The following TMEM30A variants were observed in gnomAD, a reference collection of about 807,000 sequenced individuals.
TMEM30A encodes the protein cell division cycle 50 P4-ATPase accessory subunit A.
In TMEM30A, 24 loss-of-function variants were observed where a neutral mutation model predicts 38.2. The ratio of observed to expected loss-of-function variants is 0.63; its 90% CI spans 0.46 to 0.88. The LOEUF (loss-of-function observed/expected upper bound fraction) is 0.88, where lower values mean the gene tolerates loss of function less well. Among genes scored for constraint, TMEM30A ranks in the 40% least tolerant of loss-of-function variants. TMEM30A has a pLI of 0.00. For synonymous variants in TMEM30A, 145 were observed against 161.6 expected (o/e 0.90, Z 0.78); for missense variants, 370 against 458.6 (o/e 0.81, Z 1.77).
chr6:75,284,344 G>C (rs1772418992), intron 1 of TMEM30A, 58 bp downstream of exon 1: 1 of 1,520,968 alleles, frequency 6.6e-7, no homozygotes, highest in Admixed American at 1.7e-5. Flanking sequence ...AGTGGAGTGG[G>C]CGCGTAGGAC....
In TMEM30A at chr6:75,284,580, C is replaced by G. The variant is rs149782863; in HGVS notation, c.59G>C (p.Gly20Ala). Residue 20 changes from glycine (G) to alanine (A), a missense_variant, in exon 1 of 7, where the codon GGG becomes GCG. Physicochemically the swap from Gly to Ala is moderately conservative, Grantham distance 60. Transcript: ENST00000230461. ...CGGTCTCCGAGTCTTCGCGGTGCCCCCCGGAGCACACGGGGGCCCACCGTC... is the reference window on the plus strand; with the variant it reads ...CGGTCTCCGAGTCTTCGCGGTGCCCGCCGGAGCACACGGGGGCCCACCGTC... ...EVDGGPPCAPGGTAKTRRPDN... is the reference protein window; with the variant it reads ...EVDGGPPCAPAGTAKTRRPDN... The G allele has an allele frequency of 1.6e-5, 26 of 1,613,564 alleles. No individual in the cohort carries two copies. The highest frequency in any genetic ancestry group is 1.1e-4 in the East Asian group (5 of 44,864).
At chr6:75,274,352 C>T (rs1772224692) in intron 1 of TMEM30A, among the ~76,000 whole-genome samples, 1 of 152,124 alleles carries the variant, frequency 6.6e-6, no homozygotes, top group Admixed American at 6.5e-5. Context: ...GGGGTTTGAA[C>T]AGTATCCTGA....
chr6:75,265,473 C>A, intron 2 of TMEM30A, 135 bp from the exon 3 acceptor site: 1 of 440,640 alleles, frequency 2.3e-6, no homozygotes, highest in South Asian at 3.0e-5. Flanking sequence ...GTAAATTCCA[C>A]CAGTACTTAG....
chr6:75,270,949 T>A (rs1772157338), intron 1 of TMEM30A, among the ~76,000 whole-genome samples: 1 of 152,184 alleles, frequency 6.6e-6, no homozygotes. Flanking sequence ...AGGCAAAGCC[T>A]ATGTAATCTT....
intron 1 of TMEM30A, among the ~76,000 whole-genome samples, chr6:75,282,837 T>C (rs1772380988): frequency 6.6e-6 from 1 of 152,186 alleles, no homozygotes; most frequent in African/African-American, 2.4e-5. Flanking sequence ...TCAGAGAGAT[T>C]ACGGAAATTT....
At chr6:75,258,167 C>T (rs1582273738) in intron 6 of TMEM30A, among the ~76,000 whole-genome samples, 1 of 152,128 alleles carries the variant, frequency 6.6e-6, no homozygotes, top group East Asian at 1.9e-4. Flanking sequence ...GCTCGATATT[C>T]CTGTATTCTG....
chr6:75,275,353 C>G (rs1390480087), intron 1 of TMEM30A, among the ~76,000 whole-genome samples: 2 of 152,190 alleles, frequency 1.3e-5, no homozygotes, highest in Non-Finnish European at 2.9e-5. Flanking sequence ...TAACTCTAGT[C>G]TCAACCTTCC....
intron 1 of TMEM30A, among the ~76,000 whole-genome samples, chr6:75,283,307 ATGTG>A (rs10545744): frequency 0.073 from 10,763 of 147,976 alleles, 453 homozygotes; most frequent in Middle Eastern, 0.092. Flanking sequence ...ATTTATTAAA[ATGTG>A]TGTGTGTGTG....
intron 1 of TMEM30A, among the ~76,000 whole-genome samples, chr6:75,280,796 A>C (rs997089526): frequency 2.6e-5 from 4 of 152,160 alleles, no homozygotes; most frequent in Admixed American, 1.3e-4. Flanking sequence ...AAAAGTGCCT[A>C]ATCTTTAACG....
At chr6:75,265,041 G>A (rs1582278205) in intron 3 of TMEM30A, among the ~76,000 whole-genome samples, 190 bp downstream of exon 3, 2 of 151,874 alleles carry the variant, frequency 1.3e-5, no homozygotes, top group African/African-American at 4.8e-5. Flanking sequence ...AGGTTGCAGT[G>A]AGCTGAGACT....
chr6:75,265,072 G>C (rs1435075223), intron 3 of TMEM30A, among the ~76,000 whole-genome samples, 159 bp downstream of exon 3: 3 of 151,922 alleles, frequency 2.0e-5, no homozygotes, highest in African/African-American at 7.3e-5. Context: ...ACTCCAGCCT[G>C]GGCGACAAAG....
rs547222251 is a variant in TMEM30A at position 75,263,204 on chromosome 6, A to G, written c.453+2027T>C. Among the ~76,000 whole-genome samples, 5 of 152,336 alleles carry G rather than the reference A, an allele frequency of 3.3e-5. No homozygotes were observed. In the South Asian group the frequency reaches 6.2e-4, roughly 19 times the overall value. ...GAGTTTTAAGCAAAGAGAACACCAC[A>G]TGCCACTAAACAAGAACTTATTTCT... On this transcript the variant is annotated intron_variant, in intron 3 of 6. Coordinates refer to ENST00000230461, the MANE Select transcript of TMEM30A (RefSeq NM_018247.4).
chr6:75,279,538 T>C (rs914392730), intron 1 of TMEM30A, among the ~76,000 whole-genome samples: 11 of 152,168 alleles, frequency 7.2e-5, no homozygotes, highest in Non-Finnish European at 1.3e-4. Context: ...GTCAAGAGCA[T>C]ACAAGGCACA....
At chr6:75,277,477 G>A (rs540369089) in intron 1 of TMEM30A, among the ~76,000 whole-genome samples, 8 of 152,254 alleles carry the variant, frequency 5.3e-5, no homozygotes, top group Admixed American at 3.9e-4. Flanking sequence ...AGTGGCTTGC[G>A]CCTGTAATCC....
rs1437647971 is a variant in TMEM30A at position 75,256,089 on chromosome 6, T to C, written c.*13A>G. On this transcript the variant is annotated 3_prime_UTR_variant, in exon 7 of 7. Coordinates refer to ENST00000230461, the MANE Select transcript of TMEM30A (RefSeq NM_018247.4). ...TGATGCACATGCAGATGATTTGCTT[T>C]CATAATATAAAATTAAATGGTAATG... The C allele has an allele frequency of 3.2e-6, 5 of 1,577,330 alleles. No individual in the cohort carries two copies. The South Asian group carries it at 4.5e-5, about 14-fold the overall frequency.
chr6:75,253,914 A>G lies in TMEM30A; in HGVS notation c.*2188T>C, dbSNP rs1338034096. The G allele has an allele frequency of 6.6e-6, 1 of 152,140 alleles. No individual in the cohort carries two copies. Among genetic ancestry groups the G allele is most frequent in the African/African-American group, 2.4e-5 (1 of 41,442 alleles). 9.4% of individuals were successfully genotyped at this position (152,140 alleles called of 1,614,324 possible). A position where few individuals can be genotyped will look rare whatever the true frequency, so the allele number is the denominator to read the frequency against. On this transcript the variant is annotated 3_prime_UTR_variant, in exon 7 of 7. Coordinates refer to ENST00000230461, the MANE Select transcript of TMEM30A (RefSeq NM_018247.4). Reference sequence around the variant, plus strand: ...ATTAATGCATCCTTCAATGTCTTCTACTTAAGCTGGGTGCATTTAAAATGC... The same window carrying G: ...ATTAATGCATCCTTCAATGTCTTCTGCTTAAGCTGGGTGCATTTAAAATGC...
At chr6:75,276,915 T>C (rs1228164744) in intron 1 of TMEM30A, among the ~76,000 whole-genome samples, 3 of 152,156 alleles carry the variant, frequency 2.0e-5, no homozygotes, top group African/African-American at 7.2e-5. Context: ...TCAGGACCTA[T>C]GCTCTTACTA....
intron 1 of TMEM30A, among the ~76,000 whole-genome samples, chr6:75,271,241 A>T (rs1049612584): frequency 2.0e-5 from 3 of 152,208 alleles, no homozygotes; most frequent in Non-Finnish European, 4.4e-5. Context: ...CTGCAAGAGA[A>T]ATCATATTCT....
chr6:75,266,834 C>T (rs914842733), intron 2 of TMEM30A, among the ~76,000 whole-genome samples: 20 of 152,110 alleles, frequency 1.3e-4, no homozygotes, highest in Non-Finnish European at 4.4e-5. Context: ...TTGTCTTCTA[C>T]AAAATTTGTT....
Sources: gnomAD v4.1 joint callset for allele counts (sites outside exome capture counted in the v4.1 genomes callset) on GRCh38, gnomAD v4.1.1 for gene constraint, MANE v1.5 for transcripts, NCBI Gene and HGNC (gene_info 2026-07-23, HGNC 2026-07-21) for gene names.